RGS6: variants seen among roughly 807,000 people sequenced by gnomAD.
The protein encoded by RGS6 is regulator of G-protein signaling 6.
A neutral mutation model predicts 78.5 loss-of-function variants in RGS6; 30 were observed. That is an observed-to-expected ratio of 0.38 (90% CI 0.29 to 0.52). The LOEUF is 0.52. RGS6 is among the 20% of genes least tolerant of loss of function. The pLI is 0.85. For missense variants in RGS6, 495 were observed against 609.7 expected (o/e 0.81, Z 1.98); for synonymous variants, 206 against 206.0 (o/e 1.00, Z 0.00).
At chr14:72,138,242 A>G (rs1481390324) in intron 2 of RGS6, among the ~76,000 whole-genome samples, 3 of 152,138 alleles carry the variant, frequency 2.0e-5, no homozygotes, top group Non-Finnish European at 4.4e-5. Flanking sequence ...ATCACCTGTT[A>G]TTGAAAACCA....
the RGS6 span, among the ~76,000 whole-genome samples, chr14:71,894,373 CAAAGTATAGTAATTAAGA>C: frequency 1.3e-5 from 2 of 152,202 alleles, no homozygotes; most frequent in African/African-American, 4.8e-5. Context: ...TCAATTCTTG[CAAAGTATAGTAATTAAGA>C]AAAGTAATTC....
At chr14:72,536,086 C>G in intron 15 of RGS6, 100 bp from the exon 16 acceptor site, 50 of 897,730 alleles carry the variant, frequency 5.6e-5, no homozygotes, top group Non-Finnish European at 8.2e-5. Context: ...ACCTAGGTTC[C>G]TTCATCTCCT....
At chr14:72,401,415 A>G (rs868461896) in intron 3 of RGS6, among the ~76,000 whole-genome samples, 15 of 151,966 alleles carry the variant, frequency 9.9e-5, no homozygotes, top group Middle Eastern at 6.8e-3. Flanking sequence ...CACTGTTGTG[A>G]CACACTCCGT....
At chr14:71,968,706 C>T (rs2093652343) in intron 2 of RGS6, among the ~76,000 whole-genome samples, 1 of 152,162 alleles carries the variant, frequency 6.6e-6, no homozygotes, top group Admixed American at 6.5e-5. Context: ...ACTACTGTTA[C>T]CACATTGTTG....
At chr14:72,548,346 C>CGT (rs1003545688) in intron 17 of RGS6, among the ~76,000 whole-genome samples, 4 of 124,118 alleles carry the variant, frequency 3.2e-5, no homozygotes, top group East Asian at 2.9e-4. Context: ...TGTGTGTGCG[C>CGT]GCGTGTGTGT....
intron 3 of RGS6, among the ~76,000 whole-genome samples, chr14:72,399,028 G>A (rs1440389497): frequency 6.6e-6 from 1 of 151,884 alleles, no homozygotes; most frequent in Non-Finnish European, 1.5e-5. Context: ...TGTATATTCT[G>A]TTGATTTGGG....
chr14:72,629,812 C>T, the RGS6 span: 2 of 1,179,246 alleles, frequency 1.7e-6, no homozygotes, highest in Non-Finnish European at 2.4e-6. Flanking sequence ...ACTGGAAACA[C>T]ATTGATGCCC....
At chr14:72,489,291 C>T (rs2096544609) in intron 12 of RGS6, among the ~76,000 whole-genome samples, 1 of 152,174 alleles carries the variant, frequency 6.6e-6, no homozygotes, top group Admixed American at 6.5e-5. Flanking sequence ...ACTCGTCACC[C>T]CCTGAACAGG....
chr14:72,037,559 C>T (rs1324238968), intron 2 of RGS6, among the ~76,000 whole-genome samples: 1 of 152,160 alleles, frequency 6.6e-6, no homozygotes, highest in African/African-American at 2.4e-5. Context: ...GAACCAACTC[C>T]AGACACAGTA....
chr14:72,487,549 C>T lies in RGS6; in HGVS notation c.855-7603C>T, dbSNP rs929920902. 6.6e-5 allele frequency among the ~76,000 whole-genome samples: 10 copies of T among 152,044 alleles called. No homozygotes were observed. In the East Asian group the frequency reaches 7.7e-4, roughly 12 times the overall value. Reference sequence around the variant, plus strand: ...TGGGCCCAGCATAATCACAGGTTCCCGGAAATGTGGAAGAGAGAGGCAGAA... The same window carrying T: ...TGGGCCCAGCATAATCACAGGTTCCTGGAAATGTGGAAGAGAGAGGCAGAA... On this transcript the variant is annotated intron_variant, in intron 12 of 17. Coordinates refer to ENST00000553525, the MANE Select transcript of RGS6 (RefSeq NM_001204424.2).
chr14:72,087,265 G>C (rs889047691), intron 2 of RGS6, among the ~76,000 whole-genome samples: 68 of 152,032 alleles, frequency 4.5e-4, no homozygotes, highest in Non-Finnish European at 3.7e-4. Context: ...CAAGTAGCTA[G>C]GATTACAGGT....
the RGS6 span, among the ~76,000 whole-genome samples, chr14:72,614,736 T>TAAC: frequency 8.5e-6 from 1 of 117,492 alleles, no homozygotes; most frequent in Non-Finnish European, 1.7e-5. Context: ...TTTTACAAAA[T>TAAC]AATAATAATA....
chr14:72,477,403 A>G (rs983432528), intron 11 of RGS6: 1 of 152,558 alleles, frequency 6.6e-6, no homozygotes, highest in East Asian at 1.9e-4. Context: ...GCTGGTTCCT[A>G]GAGGGCAAAA....
chr14:72,085,177 GAAATC>G (rs1339869000), intron 2 of RGS6, among the ~76,000 whole-genome samples: 6 of 152,188 alleles, frequency 3.9e-5, no homozygotes, highest in Non-Finnish European at 7.3e-5. Flanking sequence ...GTGAGGGTAA[GAAATC>G]AATAAAGCAG....
chr14:72,547,814 C>T (rs775983629), intron 17 of RGS6, among the ~76,000 whole-genome samples: 1 of 152,156 alleles, frequency 6.6e-6, no homozygotes, highest in Non-Finnish European at 1.5e-5. Context: ...GCAACAGCAC[C>T]ATGGCCACAT....
At chr14:72,275,012 C>A (rs2060470516) in intron 2 of RGS6, among the ~76,000 whole-genome samples, 1 of 152,204 alleles carries the variant, frequency 6.6e-6, no homozygotes, top group South Asian at 2.1e-4. Context: ...CTTACCTCCA[C>A]CCACCAGAGT....
chr14:72,535,326 A>T (rs1036994060), intron 15 of RGS6, among the ~76,000 whole-genome samples: 2 of 152,242 alleles, frequency 1.3e-5, no homozygotes, highest in Non-Finnish European at 2.9e-5. Flanking sequence ...AACTCCTTCC[A>T]GGACGAGGTG....
At position 72,211,608 on chromosome 14, in the gene RGS6, G is replaced by A. The variant is rs143871529; in HGVS notation, c.85-140487G>A. The stretch of plus-strand genomic sequence containing the variant: ...AGGATTCAGCTGAAGACAGAAGTCC[G>A]GTAACAAGAGAGAAAATATAATAGA... On this transcript the variant is annotated intron_variant, in intron 2 of 17. Coordinates refer to ENST00000553525, the MANE Select transcript of RGS6 (RefSeq NM_001204424.2). Among the ~76,000 whole-genome samples, 858 of 152,220 alleles carry A rather than the reference G, an allele frequency of 5.6e-3. 3 individuals carry two copies. Among genetic ancestry groups the A allele is most frequent in the Middle Eastern group, 0.014 (4 of 294 alleles).
intron 3 of RGS6, among the ~76,000 whole-genome samples, chr14:72,410,365 T>C (rs992331259): frequency 6.6e-6 from 1 of 152,252 alleles, no homozygotes; most frequent in African/African-American, 2.4e-5. Flanking sequence ...ATAAATGTCT[T>C]CTTTTGAGAA....
Sources: allele counts gnomAD v4.1 joint callset (sites outside exome capture counted in the v4.1 genomes callset), GRCh38; gene constraint gnomAD v4.1.1; transcripts MANE v1.5; gene names NCBI Gene and HGNC (gene_info 2026-07-23, HGNC 2026-07-21).